GAP43: variants seen among roughly 807,000 people sequenced by gnomAD.
GAP43 encodes growth associated protein 43, also known as neuromodulin.
GAP43 carries 6 observed loss-of-function variants against 18.6 expected under a neutral mutation model. That is an observed-to-expected ratio of 0.32 (90% CI 0.18 to 0.64). GAP43 has a LOEUF of 0.64. Among genes scored for constraint, GAP43 ranks in the 30% least tolerant of loss-of-function variants. GAP43 has a pLI of 0.78. For missense variants in GAP43, 292 were observed against 295.5 expected, an observed-to-expected ratio of 0.99 and a Z score of 0.09; for synonymous variants, 115 against 111.4, an observed-to-expected ratio of 1.03 and a Z score of -0.20.
chr3:115,696,788 C>T (rs900671622), intron 2 of GAP43, among the ~76,000 whole-genome samples: 4 of 151,904 alleles, frequency 2.6e-5, no homozygotes, highest in African/African-American at 9.7e-5. Context: ...CCTTCTCTTT[C>T]CCAGTTTTGT....
At position 115,676,199 on chromosome 3, in the gene GAP43, C is replaced by A. The variant is rs770193171; in HGVS notation, c.217C>A (p.Pro73Thr). Residue 73 changes from proline (P) to threonine (T), a missense_variant, in exon 2 of 3, where the codon CCT becomes ACT. Physicochemically the swap from Pro to Thr is conservative, Grantham distance 38. Transcript: ENST00000305124. ...TGAAGCTAATAAGAAGGATGAAGCCCCTGTTGCCGATGGGGTGGAGAAGAA... is the reference window on the plus strand; with the variant it reads ...TGAAGCTAATAAGAAGGATGAAGCCACTGTTGCCGATGGGGTGGAGAAGAA... ...EAEANKKDEA[P>T]VADGVEKKGE... 11 of 1,614,102 alleles carry A rather than the reference C, an allele frequency of 6.8e-6. No homozygotes were observed. The South Asian group carries it at 1.1e-4, about 16-fold the overall frequency.
intron 2 of GAP43, among the ~76,000 whole-genome samples, chr3:115,680,853 A>G (rs536985620): frequency 6.6e-5 from 10 of 152,188 alleles, no homozygotes; most frequent in African/African-American, 2.2e-4. Flanking sequence ...CCAGAACAAT[A>G]TTTTCCCTAA....
rs371857324 is a variant in GAP43, at chr3:115,716,769, C to CAG, written c.629-4004_629-4003dup. The stretch of plus-strand genomic sequence containing the variant: ...ATATATATATATATATATATATATA[C>CAG]AGAGAGAGAGAGAGAGAGAGAGTTT... On this transcript the variant is annotated intron_variant, in intron 2 of 2. Transcript: ENST00000305124. Among the ~76,000 whole-genome samples, 277 of 54,646 alleles carry CAG rather than the reference C, an allele frequency of 5.1e-3. 5 individuals are homozygous for CAG. The highest frequency in any genetic ancestry group is 0.013 in the African/African-American group (201 of 16,068). The allele number at this position is 54,646 out of a possible 152,430, so 35.8% of individuals were successfully genotyped here.
At chr3:115,710,256 C>CT (rs11361613) in intron 2 of GAP43, among the ~76,000 whole-genome samples, 67 of 148,410 alleles carry the variant, frequency 4.5e-4, no homozygotes, top group Middle Eastern at 3.5e-3. Context: ...TTCACCTACT[C>CT]TTTTTTTTTT....
intron 2 of GAP43, among the ~76,000 whole-genome samples, chr3:115,718,323 C>T (rs1467452823): frequency 6.6e-6 from 1 of 152,132 alleles, no homozygotes; most frequent in African/African-American, 2.4e-5. Flanking sequence ...AAGGTTTGAG[C>T]AGGGTTAGGG....
chr3:115,696,550 A>T (rs556476219), intron 2 of GAP43, among the ~76,000 whole-genome samples: 93 of 147,692 alleles, frequency 6.3e-4, no homozygotes, highest in Non-Finnish European at 1.1e-3. Flanking sequence ...CCTTTCTAGC[A>T]ATACTGATTT....
intron 1 of GAP43, among the ~76,000 whole-genome samples, chr3:115,631,639 T>C (rs926462353): frequency 1.3e-5 from 2 of 152,152 alleles, no homozygotes; most frequent in Admixed American, 1.3e-4. Context: ...TGTTTGTTTT[T>C]TGAGATGGAG....
intron 1 of GAP43, among the ~76,000 whole-genome samples, chr3:115,661,860 A>C (rs1576986162): frequency 1.3e-5 from 1 of 78,194 alleles, no homozygotes; most frequent in African/African-American, 6.1e-5. Flanking sequence ...GGGAGCTGTC[A>C]AATTGCAAAC....
intron 2 of GAP43, among the ~76,000 whole-genome samples, chr3:115,705,224 A>C (rs1709345479): frequency 6.6e-6 from 1 of 152,198 alleles, no homozygotes; most frequent in African/African-American, 2.4e-5. Context: ...AGATATAAAT[A>C]GGAAATATTT....
intron 1 of GAP43, among the ~76,000 whole-genome samples, chr3:115,647,758 C>CAAAAAAAAAAA (rs111391501): frequency 7.6e-6 from 1 of 132,096 alleles, no homozygotes. Flanking sequence ...AACAAAAAAA[C>CAAAAAAAAAAA]AAAAAAAAAA....
rs371215712 is a variant in GAP43 at position 115,721,105 on chromosome 3, T to TTTTG, written c.*227_*230dup. The TTTTG allele has an allele frequency of 1.1e-5, 3 of 283,752 alleles. No homozygotes were observed. Among genetic ancestry groups the TTTTG allele is most frequent in the African/African-American group, 6.6e-5 (3 of 45,698 alleles). 17.6% of individuals were successfully genotyped at this position (283,752 alleles called of 1,614,324 possible). A position where few individuals can be genotyped will look rare whatever the true frequency, so the allele number is the denominator to read the frequency against. On this transcript the variant is annotated 3_prime_UTR_variant, in exon 3 of 3. Transcript: ENST00000305124. ...AGTCAAACAGTGTGGCTTAAACATTTTTTGTTTCTTGGTGTTGTTATGGCA... is the reference window on the plus strand; with the variant it reads ...AGTCAAACAGTGTGGCTTAAACATTTTTTGTTTGTTTCTTGGTGTTGTTATGGCA...
intron 2 of GAP43, among the ~76,000 whole-genome samples, chr3:115,703,952 C>A (rs1482062972): frequency 6.6e-6 from 1 of 152,000 alleles, no homozygotes; most frequent in African/African-American, 2.4e-5. Flanking sequence ...ATCACTTTTT[C>A]AATATAGTTC....
intron 1 of GAP43, among the ~76,000 whole-genome samples, chr3:115,627,596 T>C (rs1291699780): frequency 6.6e-6 from 1 of 152,126 alleles, no homozygotes; most frequent in Non-Finnish European, 1.5e-5. Context: ...GAATAGAGCA[T>C]ATATATTAAC....
At chr3:115,658,939 C>A (rs1172235389) in intron 1 of GAP43, 1 of 152,368 alleles carries the variant, frequency 6.6e-6, no homozygotes, top group Admixed American at 6.5e-5. Context: ...AGCCTGCTTC[C>A]GGGGACTGAG....
At chr3:115,677,509 G>A (rs766477122) in intron 2 of GAP43, among the ~76,000 whole-genome samples, 9 of 152,106 alleles carry the variant, frequency 5.9e-5, no homozygotes, top group Non-Finnish European at 8.8e-5. Context: ...ACAGAGTTTC[G>A]TCCCTGGAGA....
chr3:115,718,244 G>A (rs1040781788), intron 2 of GAP43, among the ~76,000 whole-genome samples: 5 of 152,076 alleles, frequency 3.3e-5, no homozygotes, highest in African/African-American at 4.8e-5. Flanking sequence ...TTTGAAAAGG[G>A]CACTAAAAAC....
At chr3:115,713,136 C>G (rs1709462696) in intron 2 of GAP43, among the ~76,000 whole-genome samples, 1 of 152,134 alleles carries the variant, frequency 6.6e-6, no homozygotes, top group Non-Finnish European at 1.5e-5. Flanking sequence ...GTGTGAGCAA[C>G]AAAAGGGCCA....
intron 2 of GAP43, among the ~76,000 whole-genome samples, chr3:115,684,848 T>C (rs1235108820): frequency 1.3e-5 from 2 of 152,130 alleles, no homozygotes; most frequent in African/African-American, 4.8e-5. Context: ...TTGCCTCATC[T>C]GAATCTTAAA....
At chr3:115,711,218 C>G (rs778952981) in intron 2 of GAP43, among the ~76,000 whole-genome samples, 2 of 152,122 alleles carry the variant, frequency 1.3e-5, no homozygotes, top group African/African-American at 2.4e-5. Flanking sequence ...GCTATAAATT[C>G]TTCACGGTCA....
Sources: gnomAD v4.1 joint callset for allele counts (sites outside exome capture counted in the v4.1 genomes callset) on GRCh38, gnomAD v4.1.1 for gene constraint, MANE v1.5 for transcripts, NCBI Gene and HGNC (gene_info 2026-07-23, HGNC 2026-07-21) for gene names.